The following LRRFIP1 variants were observed in gnomAD, a reference collection of about 807,000 sequenced individuals.
LRRFIP1 encodes the protein leucine-rich repeat flightless-interacting protein 1.
LRRFIP1 carries 62 observed loss-of-function variants against 104.4 expected under a neutral mutation model. That is an observed-to-expected ratio of 0.59 (90% CI 0.48 to 0.73). The LOEUF (loss-of-function observed/expected upper bound fraction) is 0.73. Among genes scored for constraint, LRRFIP1 ranks in the 30% least tolerant of loss-of-function variants. The pLI is 0.00. For missense variants in LRRFIP1, 796 were observed against 824.5 expected, an observed-to-expected ratio of 0.97 and a Z score of 0.42; for synonymous variants, 300 against 299.0, an observed-to-expected ratio of 1.00 and a Z score of -0.03.
At chr2:237,669,390 A>G (rs2149528188) in intron 1 of LRRFIP1, among the ~76,000 whole-genome samples, 1 of 152,324 alleles carries the variant, frequency 6.6e-6, no homozygotes, top group African/African-American at 2.4e-5. Context: ...TGTAAATTTG[A>G]CAGCTAAAAA....
intron 9 of LRRFIP1, among the ~76,000 whole-genome samples, chr2:237,734,853 A>G (rs916843165): frequency 6.6e-6 from 1 of 152,218 alleles, no homozygotes; most frequent in Admixed American, 6.5e-5. Context: ...ACTATAATTA[A>G]CATAATTTGA....
At chr2:237,739,358 C>G (rs752594416) in intron 11 of LRRFIP1, 49 bp downstream of exon 11, 93 of 1,469,682 alleles carry the variant, frequency 6.3e-5, no homozygotes, top group Non-Finnish European at 7.8e-5. Flanking sequence ...CCCTCCCTCC[C>G]CCTTCCCTTA....
chr2:237,650,371 G>A (rs772942423), intron 1 of LRRFIP1, among the ~76,000 whole-genome samples: 5 of 151,968 alleles, frequency 3.3e-5, no homozygotes, highest in Admixed American at 6.6e-5. Flanking sequence ...CCCTGGGGCT[G>A]TGTAGGCAGC....
At chr2:237,759,059 A>T (rs2059592686) in intron 18 of LRRFIP1, among the ~76,000 whole-genome samples, 1 of 152,184 alleles carries the variant, frequency 6.6e-6, no homozygotes. Flanking sequence ...TGAATGCAAG[A>T]ATTTTTTGAT....
chr2:237,723,525 T>C (rs1242715549), intron 6 of LRRFIP1, 23 bp from the exon 7 acceptor site: 1 of 1,613,642 alleles, frequency 6.2e-7, no homozygotes, highest in Admixed American at 1.7e-5. Context: ...TGTTTTTTTT[T>C]TCTGCCATCT....
At position 237,627,750 on chromosome 2, in the gene LRRFIP1, C is replaced by A; in HGVS notation, c.96+10C>A. The A allele has an allele frequency of 8.1e-7, 1 of 1,240,886 alleles. No homozygotes were observed. The highest frequency in any genetic ancestry group is 1.0e-6 in the Non-Finnish European group (1 of 985,844). The allele number at this position is 1,240,886 out of a possible 1,614,324, so 76.9% of individuals were successfully genotyped here. On this transcript the variant is annotated intron_variant, in intron 1 of 23. Coordinates refer to ENST00000308482, the MANE Select transcript of LRRFIP1 (RefSeq NM_001137550.2). The stretch of plus-strand genomic sequence containing the variant: ...CCAGATCGCGCGGGAGGTGAGCGCT[C>A]CGGGAGGGCAGCCGGGGGGCGCCGG...
At chr2:237,680,495 C>T (rs2091690927) in intron 1 of LRRFIP1, among the ~76,000 whole-genome samples, 1 of 152,202 alleles carries the variant, frequency 6.6e-6, no homozygotes, top group Non-Finnish European at 1.5e-5. Flanking sequence ...GATTCAAGTA[C>T]ACAGGAGGAT....
intron 23 of LRRFIP1, among the ~76,000 whole-genome samples, chr2:237,776,922 G>A (rs1021989399): frequency 6.6e-6 from 1 of 152,052 alleles, no homozygotes; most frequent in Admixed American, 6.5e-5. Context: ...CCATCTGACT[G>A]TGGATAACCA....
At chr2:237,751,865 T>C (rs2058668179) in intron 14 of LRRFIP1, among the ~76,000 whole-genome samples, 2 of 152,306 alleles carry the variant, frequency 1.3e-5, no homozygotes, top group Non-Finnish European at 2.9e-5. Context: ...CCCTGTTCCT[T>C]GACAGTAAGG....
At chr2:237,653,519 G>A (rs2086282847) in intron 1 of LRRFIP1, among the ~76,000 whole-genome samples, 2 of 152,258 alleles carry the variant, frequency 1.3e-5, no homozygotes, top group East Asian at 3.9e-4. Flanking sequence ...AATAAAATTT[G>A]TACCAAATCA....
chr2:237,755,753 G>T (rs2059193167), intron 15 of LRRFIP1, among the ~76,000 whole-genome samples: 1 of 152,150 alleles, frequency 6.6e-6, no homozygotes, highest in Non-Finnish European at 1.5e-5. Flanking sequence ...GGCCAACATG[G>T]TGAAACCCGA....
chr2:237,674,858 G>T (rs1200720537), intron 1 of LRRFIP1, among the ~76,000 whole-genome samples: 1 of 152,268 alleles, frequency 6.6e-6, no homozygotes. Context: ...GGTGGAATAA[G>T]GACGTGCACG....
At chr2:237,760,487 T>C (rs2059743872) in intron 19 of LRRFIP1, among the ~76,000 whole-genome samples, 1 of 152,204 alleles carries the variant, frequency 6.6e-6, no homozygotes, top group Admixed American at 6.5e-5. Flanking sequence ...AGGAAAACAG[T>C]CTCAAAATTA....
intron 20 of LRRFIP1, chr2:237,770,871 C>T (rs529759652): frequency 6.6e-6 from 1 of 152,312 alleles, no homozygotes; most frequent in East Asian, 1.9e-4. Context: ...TCTACAACCA[C>T]TTTCCTCTAA....
intron 1 of LRRFIP1, among the ~76,000 whole-genome samples, chr2:237,640,316 T>C (rs539738365): frequency 7.4e-4 from 112 of 152,050 alleles, no homozygotes; most frequent in African/African-American, 2.5e-3. Context: ...GGACCGTCTA[T>C]AACAAGATAC....
chr2:237,756,498 C>G (rs538506589), intron 16 of LRRFIP1, among the ~76,000 whole-genome samples: 19 of 152,316 alleles, frequency 1.2e-4, no homozygotes, highest in Admixed American at 5.9e-4. Context: ...GGACCCCACT[C>G]TTATGACCTC....
At chr2:237,749,041 C>G (rs751326747) in intron 12 of LRRFIP1, among the ~76,000 whole-genome samples, 158 bp from the exon 13 acceptor site, 1 of 152,192 alleles carries the variant, frequency 6.6e-6, no homozygotes, top group Non-Finnish European at 1.5e-5. Flanking sequence ...CTCACTATCA[C>G]GAGAACAGCA....
At chr2:237,643,384 C>T (rs967080018) in intron 1 of LRRFIP1, among the ~76,000 whole-genome samples, 6 of 152,244 alleles carry the variant, frequency 3.9e-5, no homozygotes, top group Non-Finnish European at 4.4e-5. Flanking sequence ...GGCGCACCCT[C>T]GCCTTCAGAA....
chr2:237,779,480 A>G lies in LRRFIP1; in HGVS notation c.1871A>G (p.Lys624Arg), dbSNP rs2061366585. ...ELEVSNGHLV[K>R]RLEKMKANRS... ...GAGGTGAGCAACGGCCACTTAGTGA[A>G]GCGTCTGGAAAAAATGAAAGCAAAT... The change falls in exon 24 of 24, where the codon AAG becomes AGG. Residue 624 changes from lysine to arginine, a missense_variant. Coordinates refer to ENST00000308482, the MANE Select transcript of LRRFIP1 (RefSeq NM_001137550.2). The G allele has an allele frequency of 3.1e-6, 5 of 1,613,814 alleles. No individual in the cohort carries two copies. The highest frequency in any genetic ancestry group is 1.3e-5 in the African/African-American group (1 of 75,052).
Sources: gnomAD v4.1 joint callset for allele counts (sites outside exome capture counted in the v4.1 genomes callset) on GRCh38, gnomAD v4.1.1 for gene constraint, MANE v1.5 for transcripts, NCBI Gene and HGNC (gene_info 2026-07-23, HGNC 2026-07-21) for gene names.